Variants in CDC73 observed in about 807,000 individuals in gnomAD.
CDC73 encodes parafibromin.
CDC73 carries 21 observed loss-of-function variants against 83.7 expected under a neutral mutation model. The ratio of observed to expected loss-of-function variants is 0.25; its 90% CI spans 0.18 to 0.36. The LOEUF is 0.36. Among genes scored for constraint, CDC73 ranks in the 10% least tolerant of loss-of-function variants. The pLI is 1.00. For synonymous variants in CDC73, 224 were observed against 212.9 expected, an observed-to-expected ratio of 1.05 and a Z score of -0.45; for missense variants, 342 against 653.3, an observed-to-expected ratio of 0.52 and a Z score of 5.19.
chr1:193,233,278 C>A (rs767756820), intron 14 of CDC73, 124 bp downstream of exon 14: 6 of 852,738 alleles, frequency 7.0e-6, no homozygotes, highest in Non-Finnish European at 9.9e-6. Context: ...CTAGGCAGAA[C>A]TTGAACTCCT....
chr1:193,136,147 G>T (rs144441976), intron 5 of CDC73, among the ~76,000 whole-genome samples: 131 of 152,240 alleles, frequency 8.6e-4, no homozygotes, highest in South Asian at 2.3e-3. Context: ...GGGCCATACA[G>T]TTTATGTTGC....
chr1:193,150,422 T>A (rs760782634), intron 9 of CDC73, 40 bp downstream of exon 9: 67 of 1,400,870 alleles, frequency 4.8e-5, no homozygotes, highest in Middle Eastern at 3.5e-4. Context: ...AGTGTGGTTG[T>A]GTTGAACTTG....
chr1:193,164,966 G>A (rs772469292), intron 10 of CDC73, among the ~76,000 whole-genome samples: 2 of 152,208 alleles, frequency 1.3e-5, no homozygotes, highest in African/African-American at 4.8e-5. Context: ...CTTTCTGCAC[G>A]TTTGAGCTGT....
chr1:193,208,573 G>A (rs1437707842), intron 11 of CDC73, among the ~76,000 whole-genome samples: 3 of 152,062 alleles, frequency 2.0e-5, no homozygotes, highest in South Asian at 2.1e-4. Context: ...TACTCTTTTC[G>A]ATCCTTTGTC....
intron 3 of CDC73, among the ~76,000 whole-genome samples, chr1:193,132,966 A>T (rs1483978192): frequency 7.4e-6 from 1 of 135,648 alleles, no homozygotes; most frequent in Non-Finnish European, 1.5e-5. Flanking sequence ...CAGTGGCGCG[A>T]TCTTGGCTCA....
At chr1:193,202,459 A>G (rs1004150072) in intron 10 of CDC73, among the ~76,000 whole-genome samples, 1 of 152,082 alleles carries the variant, frequency 6.6e-6, no homozygotes, top group African/African-American at 2.4e-5. Flanking sequence ...GAGGAAAACC[A>G]TATCATAAGT....
At chr1:193,222,581 A>T (rs1264098238) in intron 13 of CDC73, among the ~76,000 whole-genome samples, 1 of 152,130 alleles carries the variant, frequency 6.6e-6, no homozygotes, top group Non-Finnish European at 1.5e-5. Flanking sequence ...CAGTCCTATG[A>T]GGGAAATCTG....
chr1:193,154,966 A>G lies in CDC73; in HGVS notation c.972+2522A>G, dbSNP rs138304864. On this transcript the variant is annotated intron_variant, in intron 10 of 16. Transcript: ENST00000367435. ...ATGTAACTTCCTTCCTAATTTATGT[A>G]TAGTTCATTTTTGCAGCCATTGTTC... Among the ~76,000 whole-genome samples the G allele has an allele frequency of 3.8e-4, 58 of 152,256 alleles. 1 individual carries two copies. In the East Asian group the frequency reaches 0.01, roughly 27 times the overall value.
intron 1 of CDC73, 107 bp from the exon 2 acceptor site, chr1:193,125,002 TAGC>T: frequency 5.6e-6 from 4 of 709,452 alleles, no homozygotes; most frequent in Admixed American, 2.1e-5. Context: ...TTTTTTTTGT[TAGC>T]TATGTTAAAC....
intron 10 of CDC73, among the ~76,000 whole-genome samples, chr1:193,170,191 A>G (rs943481602): frequency 3.3e-5 from 5 of 152,140 alleles, no homozygotes; most frequent in African/African-American, 4.8e-5. Flanking sequence ...TATCCAGTCT[A>G]TCATTGATGG....
Position 193,250,900 on chromosome 1 carries a change from G to T in CDC73, c.*188G>T, listed in dbSNP as rs752740701. The T allele has an allele frequency of 1.5e-5, 9 of 601,646 alleles. No homozygotes were observed. The highest frequency in any genetic ancestry group is 2.2e-5 in the South Asian group (1 of 46,144). The allele number at this position is 601,646 out of a possible 1,614,324, so 37.3% of individuals were successfully genotyped here. A position where few individuals can be genotyped will look rare whatever the true frequency, so the allele number is the denominator to read the frequency against. On this transcript the variant is annotated 3_prime_UTR_variant, in exon 17 of 17. Coordinates refer to ENST00000367435, the MANE Select transcript of CDC73 (RefSeq NM_024529.5). Reference sequence around the variant, plus strand: ...GCTTACAACTATTTTTTTAATATTAGCCTTCTAGTCTGTAATGGAAATTGT... The same window carrying T: ...GCTTACAACTATTTTTTTAATATTATCCTTCTAGTCTGTAATGGAAATTGT...
intron 6 of CDC73, among the ~76,000 whole-genome samples, chr1:193,138,650 AC>A (rs1448791085): frequency 1.3e-5 from 2 of 150,040 alleles, no homozygotes; most frequent in Non-Finnish European, 3.0e-5. Context: ...AGCTACTCAA[AC>A]TCTACTTGAA....
At chr1:193,147,761 T>C (rs951927589) in intron 7 of CDC73, 106 bp from the exon 8 acceptor site, 4 of 729,216 alleles carry the variant, frequency 5.5e-6, no homozygotes, top group African/African-American at 1.7e-5. Flanking sequence ...TTATGACATA[T>C]GTAGTAGGGA....
intron 10 of CDC73, among the ~76,000 whole-genome samples, chr1:193,184,011 C>T (rs1448957910): frequency 6.6e-6 from 1 of 151,692 alleles, no homozygotes; most frequent in Admixed American, 6.6e-5. Context: ...GAAGATGTCT[C>T]TAAAGTATTT....
intron 10 of CDC73, among the ~76,000 whole-genome samples, chr1:193,159,034 C>G (rs1676257661): frequency 6.6e-6 from 1 of 152,116 alleles, no homozygotes; most frequent in South Asian, 2.1e-4. Context: ...ATTTTTTTCT[C>G]TTTTAGCACA....
intron 10 of CDC73, among the ~76,000 whole-genome samples, chr1:193,167,465 A>G (rs1170319636): frequency 6.6e-6 from 1 of 152,126 alleles, no homozygotes; most frequent in Non-Finnish European, 1.5e-5. Context: ...CTGATTGACA[A>G]TTGATGTTGC....
chr1:193,236,052 A>G (rs1349594828), intron 14 of CDC73, among the ~76,000 whole-genome samples: 2 of 152,242 alleles, frequency 1.3e-5, no homozygotes, highest in Non-Finnish European at 2.9e-5. Context: ...CATGAGAAGT[A>G]TAGCAATCAT....
chr1:193,198,453 C>T (rs1677038755), intron 10 of CDC73, among the ~76,000 whole-genome samples: 1 of 152,192 alleles, frequency 6.6e-6, no homozygotes, highest in African/African-American at 2.4e-5. Context: ...CACTGTCTGT[C>T]CCCTCCAGAG....
At chr1:193,242,971 G>A (rs1261154554) in intron 15 of CDC73, among the ~76,000 whole-genome samples, 1 of 146,674 alleles carries the variant, frequency 6.8e-6, no homozygotes, top group African/African-American at 2.6e-5. Context: ...TTTTTTTTTG[G>A]AGATGGAGTC....
Sources: gnomAD v4.1 joint callset for allele counts (sites outside exome capture counted in the v4.1 genomes callset) on GRCh38, gnomAD v4.1.1 for gene constraint, MANE v1.5 for transcripts, NCBI Gene and HGNC (gene_info 2026-07-23, HGNC 2026-07-21) for gene names.